The following FRAS1 variants were observed in gnomAD, a reference collection of about 807,000 sequenced individuals.
FRAS1 encodes Fraser extracellular matrix complex subunit 1, also known as extracellular matrix organizing protein FRAS1.
In FRAS1, 290 loss-of-function variants were observed where a neutral mutation model predicts 435.2. That is an observed-to-expected ratio of 0.67 (90% CI 0.61 to 0.73). FRAS1 has a LOEUF of 0.73. Among genes scored for constraint, FRAS1 ranks in the 30% least tolerant of loss-of-function variants. The pLI is 0.00. For synonymous variants in FRAS1, 1,800 were observed against 1,851.0 expected, an observed-to-expected ratio of 0.97 and a Z score of 0.71; for missense variants, 4,860 against 5,001.5, an observed-to-expected ratio of 0.97 and a Z score of 0.85.
intron 9 of FRAS1, among the ~76,000 whole-genome samples, chr4:78,270,653 T>G (rs1726629874): frequency 6.6e-6 from 1 of 151,432 alleles, no homozygotes; most frequent in African/African-American, 2.4e-5. Context: ...CACTCAAGAA[T>G]CTCTCATGTG....
chr4:78,214,020 T>G (rs1200593186), intron 2 of FRAS1, among the ~76,000 whole-genome samples: 1 of 152,224 alleles, frequency 6.6e-6, no homozygotes, highest in Non-Finnish European at 1.5e-5. Context: ...AACTCGGGAA[T>G]AAGGTCTGTG....
At chr4:78,359,828 A>G (rs1731007340) in intron 20 of FRAS1, among the ~76,000 whole-genome samples, 1 of 152,188 alleles carries the variant, frequency 6.6e-6, no homozygotes, top group Admixed American at 6.5e-5. Context: ...TTCAGGTGTC[A>G]TGTACTGATT....
rs556910303 is a variant in FRAS1 at position 78,343,512 on chromosome 4, G to A, written c.2422+5695G>A. Reference sequence around the variant, plus strand: ...GCAGAGAGGTCACGCAAGGAGGTGCGGGTTTGCCACCCTTTTGCCTGCTGA... The same window carrying A: ...GCAGAGAGGTCACGCAAGGAGGTGCAGGTTTGCCACCCTTTTGCCTGCTGA... On this transcript the variant is annotated intron_variant, in intron 20 of 73. Transcript: ENST00000512123. 3.3e-4 allele frequency among the ~76,000 whole-genome samples: 49 copies of A among 150,248 alleles called. No individual in the cohort carries two copies. In the South Asian group the frequency reaches 8.3e-3, roughly 25 times the overall value.
chr4:78,324,184 T>C (rs975490113), intron 18 of FRAS1, among the ~76,000 whole-genome samples: 1 of 138,534 alleles, frequency 7.2e-6, no homozygotes, highest in Non-Finnish European at 1.6e-5. Flanking sequence ...TTAAAAAGTA[T>C]AAATAAGGGA....
intron 18 of FRAS1, among the ~76,000 whole-genome samples, chr4:78,321,132 T>A (rs1180395341): frequency 1.3e-5 from 2 of 152,078 alleles, no homozygotes; most frequent in Non-Finnish European, 2.9e-5. Context: ...GCCCAGAAAA[T>A]AATATGACCA....
At chr4:78,147,576 A>G (rs1578152479) in intron 2 of FRAS1, among the ~76,000 whole-genome samples, 1 of 152,170 alleles carries the variant, frequency 6.6e-6, no homozygotes, top group African/African-American at 2.4e-5. Flanking sequence ...GAAGGGACCA[A>G]TTAAGGGCAA....
At chr4:78,267,775 G>A (rs570139611) in intron 9 of FRAS1, among the ~76,000 whole-genome samples, 1 of 152,308 alleles carries the variant, frequency 6.6e-6, no homozygotes, top group African/African-American at 2.4e-5. Context: ...AGTTCTCCCC[G>A]GCTGTGAAAC....
intron 61 of FRAS1, among the ~76,000 whole-genome samples, chr4:78,500,427 T>A (rs899292795): frequency 6.6e-6 from 1 of 152,158 alleles, no homozygotes; most frequent in Admixed American, 6.5e-5. Context: ...AGGTCATAGA[T>A]CACAGCTTAA....
chr4:78,279,428 T>C (rs891794031), intron 10 of FRAS1, among the ~76,000 whole-genome samples: 2 of 152,012 alleles, frequency 1.3e-5, no homozygotes, highest in African/African-American at 4.8e-5. Context: ...GCTGCATGGG[T>C]GAGTGACAGA....
chr4:78,429,359 C>G, intron 36 of FRAS1, 133 bp downstream of exon 36: 1 of 1,118,566 alleles, frequency 8.9e-7, no homozygotes, highest in Non-Finnish European at 1.2e-6. Context: ...CACCTGTATC[C>G]TTCCTCCTGC....
chr4:78,120,703 G>T (rs1316747815), intron 2 of FRAS1, among the ~76,000 whole-genome samples: 1 of 152,196 alleles, frequency 6.6e-6, no homozygotes, highest in Non-Finnish European at 1.5e-5. Context: ...ACTCTTGTGG[G>T]TAGCAGACTT....
intron 59 of FRAS1, among the ~76,000 whole-genome samples, chr4:78,489,806 C>A (rs188496378): frequency 6.6e-6 from 1 of 151,868 alleles, no homozygotes; most frequent in Non-Finnish European, 1.5e-5. Flanking sequence ...AGGAGGCAGC[C>A]GTCTAATACC....
rs931527283 is a variant in FRAS1, at chr4:78,243,989, G to A, written c.217-1244G>A. Among the ~76,000 whole-genome samples the A allele has an allele frequency of 3.3e-5, 5 of 151,952 alleles. 1 individual carries two copies. Among genetic ancestry groups the A allele is most frequent in the Non-Finnish European group, 7.4e-5 (5 of 67,998 alleles). On this transcript the variant is annotated intron_variant, in intron 3 of 73. Coordinates refer to ENST00000512123, the MANE Select transcript of FRAS1 (RefSeq NM_025074.7). ...GTGTAGTTTTATCTTGGGGTTCAGA[G>A]GACACTTTTCTGAAAAGTGATTAAT...
At chr4:78,433,712 G>C (rs1734300718) in intron 38 of FRAS1, among the ~76,000 whole-genome samples, 1 of 152,082 alleles carries the variant, frequency 6.6e-6, no homozygotes, top group Admixed American at 6.6e-5. Flanking sequence ...GATTTTTACT[G>C]TAAGTTATGG....
At chr4:78,337,413 G>A (rs1730212685) in intron 19 of FRAS1, among the ~76,000 whole-genome samples, 1 of 152,078 alleles carries the variant, frequency 6.6e-6, no homozygotes, top group Admixed American at 6.5e-5. Context: ...GATCATGCTG[G>A]TCTCTCTGGA....
At chr4:78,383,934 A>G (rs984123701) in intron 27 of FRAS1, 125 bp from the exon 28 acceptor site, 27 of 656,670 alleles carry the variant, frequency 4.1e-5, no homozygotes, top group South Asian at 2.8e-4. Flanking sequence ...TGAGTGTGAC[A>G]TTACTGCAGC....
At chr4:78,346,633 C>T (rs1198835582) in intron 20 of FRAS1, among the ~76,000 whole-genome samples, 2 of 152,166 alleles carry the variant, frequency 1.3e-5, no homozygotes, top group African/African-American at 4.8e-5. Flanking sequence ...ACTCCCTACA[C>T]ACTCTCTTCA....
chr4:78,240,354 G>A (rs1031508150), intron 3 of FRAS1, among the ~76,000 whole-genome samples: 2 of 152,140 alleles, frequency 1.3e-5, no homozygotes, highest in African/African-American at 2.4e-5. Flanking sequence ...ATAGTGTAGG[G>A]ATCAAGAGAT....
At chr4:78,514,308 T>C (rs564158341) in intron 65 of FRAS1, among the ~76,000 whole-genome samples, 1 of 152,236 alleles carries the variant, frequency 6.6e-6, no homozygotes, top group Non-Finnish European at 1.5e-5. Context: ...GCAGCGCATC[T>C]CTGTGTTCAC....
Sources: gnomAD v4.1 joint callset for allele counts (sites outside exome capture counted in the v4.1 genomes callset) on GRCh38, gnomAD v4.1.1 for gene constraint, MANE v1.5 for transcripts, NCBI Gene and HGNC (gene_info 2026-07-23, HGNC 2026-07-21) for gene names.